The following CACNA1D variants were observed in gnomAD, a reference collection of about 807,000 sequenced individuals.
The protein encoded by CACNA1D is voltage-dependent L-type calcium channel subunit alpha-1D.
CACNA1D carries 55 observed loss-of-function variants against 257.1 expected under a neutral mutation model. The ratio of observed to expected loss-of-function variants is 0.21; its 90% CI spans 0.17 to 0.27. CACNA1D has a LOEUF of 0.27. Among genes scored for constraint, CACNA1D ranks in the 10% least tolerant of loss-of-function variants. The probability of loss-of-function intolerance (pLI) is 1.00; values close to 1 mark genes in which losing one functional copy is unlikely to be tolerated. For missense variants in CACNA1D, 1,876 were observed against 2,784.0 expected (o/e 0.67, Z 7.34); for synonymous variants, 980 against 1,014.9 (o/e 0.97, Z 0.65).
intron 3 of CACNA1D, among the ~76,000 whole-genome samples, chr3:53,551,168 G>T (rs955576155): frequency 2.5e-4 from 38 of 152,304 alleles, no homozygotes; most frequent in Middle Eastern, 3.4e-3. Flanking sequence ...AAGCCCCAGG[G>T]TGCCAGATTT....
chr3:53,811,427 G>C lies in CACNA1D; in HGVS notation c.*21G>C, dbSNP rs1201471598. 5 of 1,525,860 alleles carry C rather than the reference G, an allele frequency of 3.3e-6. No homozygotes were observed. The highest frequency in any genetic ancestry group is 4.4e-6 in the Non-Finnish European group (5 of 1,136,556). The allele number at this position is 1,525,860 out of a possible 1,614,324, so 94.5% of individuals were successfully genotyped here. A position where few individuals can be genotyped will look rare whatever the true frequency, so the allele number is the denominator to read the frequency against. On this transcript the variant is annotated 3_prime_UTR_variant, in exon 48 of 48. Coordinates refer to ENST00000350061, the MANE Select transcript of CACNA1D (RefSeq NM_001128840.3). The surrounding 1 kb of genome is among the most constrained non-coding windows in gnomAD (Gnocchi z 4.2). ...TGTAGCCCCCAGCGAGGGGCAGACTGGCTCTGGCCTCAGGTGGGGCGCAGG... is the reference window on the plus strand; with the variant it reads ...TGTAGCCCCCAGCGAGGGGCAGACTCGCTCTGGCCTCAGGTGGGGCGCAGG...
chr3:53,507,449 C>G lies in CACNA1D; in HGVS notation c.483+5729C>G, dbSNP rs552355930. On this transcript the variant is annotated intron_variant, in intron 3 of 47. Coordinates refer to ENST00000350061, the MANE Select transcript of CACNA1D (RefSeq NM_001128840.3). ...CATAGTGAGATTCCATGTCTCCCCC[C>G]GCCAAAAAAAAAAAAAAAATTAGCT... Among the ~76,000 whole-genome samples, 46 of 149,092 alleles carry G rather than the reference C, an allele frequency of 3.1e-4. 1 individual carries two copies. In the South Asian group the frequency reaches 9.3e-3, roughly 30 times the overall value.
chr3:53,704,795 A>G (rs2094668691), intron 9 of CACNA1D, among the ~76,000 whole-genome samples: 1 of 152,142 alleles, frequency 6.6e-6, no homozygotes, highest in African/African-American at 2.4e-5. Context: ...TTTCTTTGCT[A>G]GTTTAGCTGT....
At chr3:53,581,449 C>T (rs535929847) in intron 3 of CACNA1D, among the ~76,000 whole-genome samples, 1 of 152,262 alleles carries the variant, frequency 6.6e-6, no homozygotes, top group Non-Finnish European at 1.5e-5. Flanking sequence ...CACACACACA[C>T]AAAGACACGG....
At chr3:53,705,222 A>G (rs967084416) in intron 9 of CACNA1D, among the ~76,000 whole-genome samples, 1 of 152,026 alleles carries the variant, frequency 6.6e-6, no homozygotes, top group African/African-American at 2.4e-5. Context: ...GGCTGGGGCG[A>G]TGTGAGGAAG....
Position 53,495,024 on chromosome 3 carries a change from C to A in CACNA1D, c.-143C>A. ...CTTATTTTCTGTTATTTGTCCCCGT[C>A]CCTCCCCACCCCCCTGCTGAAGCGA... On this transcript the variant is annotated 5_prime_UTR_variant, in exon 1 of 48. Coordinates refer to ENST00000350061, the MANE Select transcript of CACNA1D (RefSeq NM_001128840.3). This position sits in a 1 kb window ranked among gnomAD's most constrained non-coding sequence, Gnocchi z 5.1. The A allele has an allele frequency of 2.2e-6, 1 of 461,472 alleles. No homozygotes were observed. The highest frequency in any genetic ancestry group is 4.4e-6 in the Non-Finnish European group (1 of 225,856). The allele number at this position is 461,472 out of a possible 1,614,324, so 28.6% of individuals were successfully genotyped here. A position where few individuals can be genotyped will look rare whatever the true frequency, so the allele number is the denominator to read the frequency against.
intron 3 of CACNA1D, among the ~76,000 whole-genome samples, chr3:53,552,633 G>A (rs191696459): frequency 1.3e-5 from 2 of 152,134 alleles, no homozygotes; most frequent in East Asian, 3.9e-4. Context: ...TGCCCGCCTC[G>A]GCCTCCCAAA....
chr3:53,797,599 A>ATG (rs2095513649), intron 40 of CACNA1D, among the ~76,000 whole-genome samples: 1 of 152,152 alleles, frequency 6.6e-6, no homozygotes, highest in African/African-American at 2.4e-5. Flanking sequence ...TCTCTGTCCC[A>ATG]TGTCTGTTCA....
intron 9 of CACNA1D, among the ~76,000 whole-genome samples, chr3:53,707,012 A>G (rs1479968484): frequency 6.6e-6 from 1 of 152,142 alleles, no homozygotes; most frequent in Admixed American, 6.5e-5. Context: ...ATTGATGGAA[A>G]ACAAATCTGT....
chr3:53,495,252 G>T lies in CACNA1D; in HGVS notation c.67+19G>T. On this transcript the variant is annotated intron_variant, in intron 1 of 47. Coordinates refer to ENST00000350061, the MANE Select transcript of CACNA1D (RefSeq NM_001128840.3). This position sits in a 1 kb window ranked among gnomAD's most constrained non-coding sequence, Gnocchi z 5.1. ...GCGAACGGTGAGCAGCCAGAGCCCG[G>T]GCACCCGCTGCCAAATCCGATCCTG... 1 of 1,613,310 alleles carries T rather than the reference G, an allele frequency of 6.2e-7. No individual in the cohort carries two copies. The highest frequency in any genetic ancestry group is 1.1e-5 in the South Asian group (1 of 91,048).
At chr3:53,543,336 G>T (rs1457474607) in intron 3 of CACNA1D, among the ~76,000 whole-genome samples, 1 of 152,066 alleles carries the variant, frequency 6.6e-6, no homozygotes, top group Non-Finnish European at 1.5e-5. Flanking sequence ...AACCCATTTC[G>T]GGAGTAAACC....
At chr3:53,761,941 G>C in intron 29 of CACNA1D, 57 bp from the exon 30 acceptor site, 2 of 1,225,700 alleles carry the variant, frequency 1.6e-6, no homozygotes, top group South Asian at 1.2e-5. Flanking sequence ...TATACGGTCC[G>C]TGTGGTGGGT....
At chr3:53,661,611 T>C (rs1158602803) in intron 5 of CACNA1D, among the ~76,000 whole-genome samples, 1 of 152,170 alleles carries the variant, frequency 6.6e-6, no homozygotes, top group Non-Finnish European at 1.5e-5. Flanking sequence ...GACAGCTTTT[T>C]CCCCCAAAGA....
chr3:53,809,944 C>A (rs1276221802), intron 46 of CACNA1D, 34 bp from the exon 47 acceptor site: 3 of 1,603,932 alleles, frequency 1.9e-6, no homozygotes, highest in Non-Finnish European at 1.7e-6. Context: ...CCTCTGAGAA[C>A]CTCTGGTCTC....
rs367904336 is a variant in CACNA1D at position 53,731,949 on chromosome 3, G to A, written c.2407-67G>A. ...ATGCCCTATGCTGGACCACCAGGGTGACTTTTCCTCTCTGAAGTGATTTTA... is the reference window on the plus strand; with the variant it reads ...ATGCCCTATGCTGGACCACCAGGGTAACTTTTCCTCTCTGAAGTGATTTTA... On this transcript the variant is annotated intron_variant, in intron 17 of 47. Transcript: ENST00000350061. 4.7e-4 allele frequency: 473 copies of A among 1,013,502 alleles called. 5 individuals carry two copies. The highest frequency in any genetic ancestry group is 4.0e-3 in the East Asian group (170 of 42,134). The allele number at this position is 1,013,502 out of a possible 1,614,324, so 62.8% of individuals were successfully genotyped here.
At chr3:53,499,693 G>C (rs1253853836) in intron 2 of CACNA1D, among the ~76,000 whole-genome samples, 1 of 152,114 alleles carries the variant, frequency 6.6e-6, no homozygotes, top group East Asian at 1.9e-4. Context: ...TCTCAGATGT[G>C]CTGGTTTATC....
chr3:53,590,763 A>T (rs1169090590), intron 3 of CACNA1D, among the ~76,000 whole-genome samples: 1 of 152,190 alleles, frequency 6.6e-6, no homozygotes, highest in Non-Finnish European at 1.5e-5. Flanking sequence ...GAAGGTGATC[A>T]TGGTGCCCAC....
intron 3 of CACNA1D, among the ~76,000 whole-genome samples, chr3:53,532,826 C>T (rs2091991832): frequency 6.6e-6 from 1 of 152,132 alleles, no homozygotes; most frequent in Admixed American, 6.5e-5. Flanking sequence ...GACTCCAGCC[C>T]CCGCTCTCCT....
chr3:53,780,328 A>T (rs576736191), intron 38 of CACNA1D, among the ~76,000 whole-genome samples, 200 bp downstream of exon 38: 2 of 152,276 alleles, frequency 1.3e-5, no homozygotes, highest in African/African-American at 4.8e-5. Context: ...TCCTTCCTTT[A>T]TGCTTCACTT....
Sources: gnomAD v4.1 joint callset for allele counts (sites outside exome capture counted in the v4.1 genomes callset) on GRCh38, gnomAD v4.1.1 for gene constraint, Gnocchi (gnomAD v3.1) non-coding constraint, MANE v1.5 for transcripts, NCBI Gene and HGNC (gene_info 2026-07-23, HGNC 2026-07-21) for gene names.